SFXN5: variants seen among roughly 807,000 people sequenced by gnomAD.
The protein encoded by SFXN5 is sideroflexin-5.
SFXN5 carries 43 observed loss-of-function variants against 50.2 expected under a neutral mutation model. The ratio of observed to expected loss-of-function variants is 0.86; its 90% CI spans 0.67 to 1.11. The LOEUF (loss-of-function observed/expected upper bound fraction) is 1.11. SFXN5 is among the 50% of genes least tolerant of loss of function. The pLI is 0.00. For missense variants in SFXN5, 463 were observed against 454.1 expected (o/e 1.02, Z -0.18); for synonymous variants, 203 against 185.8 (o/e 1.09, Z -0.75).
intron 10 of SFXN5, among the ~76,000 whole-genome samples, chr2:72,982,997 G>T (rs534768716): frequency 6.6e-6 from 1 of 152,326 alleles, no homozygotes; most frequent in South Asian, 2.1e-4. Context: ...ATGTCACAGG[G>T]CCCAGGACAA....
intron 2 of SFXN5, among the ~76,000 whole-genome samples, chr2:73,057,329 A>G (rs57937746): frequency 0.34 from 51,695 of 151,876 alleles, 11,030 homozygotes; most frequent in African/African-American, 0.59. Flanking sequence ...TGTAGAGACA[A>G]GTCTCACTGT....
chr2:73,023,378 G>A (rs1313275317), intron 3 of SFXN5, among the ~76,000 whole-genome samples, 164 bp from the exon 4 acceptor site: 1 of 151,486 alleles, frequency 6.6e-6, no homozygotes, highest in East Asian at 1.9e-4. Flanking sequence ...GTCCTATCCT[G>A]GGGGGGGTGA....
Position 72,950,362 on chromosome 2 carries a change from C to G in SFXN5, c.946-5263G>C, listed in dbSNP as rs1478064161. Among the ~76,000 whole-genome samples the G allele has an allele frequency of 6.6e-6, 1 of 152,180 alleles. No homozygotes were observed. The highest frequency in any genetic ancestry group is 1.5e-5 in the Non-Finnish European group (1 of 68,014). On this transcript the variant is annotated intron_variant, in intron 13 of 13. Coordinates refer to ENST00000272433, the MANE Select transcript of SFXN5 (RefSeq NM_144579.3). This position sits in a 1 kb window ranked among gnomAD's most constrained non-coding sequence, Gnocchi z 4.2. ...CCTGGGGTCCACATTGTCCGACCCC[C>G]ACCTCATGCTGATCCTGGTTCATAG...
At chr2:73,043,359 G>A (rs1297376105) in intron 2 of SFXN5, among the ~76,000 whole-genome samples, 1 of 152,242 alleles carries the variant, frequency 6.6e-6, no homozygotes, top group Non-Finnish European at 1.5e-5. Context: ...CTGGCTGCCA[G>A]AGTGGGAAAT....
rs374435570 is a variant in SFXN5, at chr2:73,009,397, G to A, written c.358-7819C>T. 3.0e-4 allele frequency among the ~76,000 whole-genome samples: 46 copies of A among 152,342 alleles called. No individual in the cohort carries two copies. In the East Asian group the frequency reaches 8.3e-3, roughly 28 times the overall value. ...GTGGGGAGGAGTGGTGACGGACCAT[G>A]TTGCTTGTCCATGTGAAAGTGCCAA... is the stretch of plus-strand genomic sequence containing the variant. On this transcript the variant is annotated intron_variant, in intron 6 of 13. Transcript: ENST00000272433.
At position 72,971,294 on chromosome 2, in the gene SFXN5, C is replaced by T. The variant is rs575188012; in HGVS notation, c.741+276G>A. 1.0e-3 allele frequency among the ~76,000 whole-genome samples: 154 copies of T among 152,286 alleles called. 1 individual carries two copies. The highest frequency in any genetic ancestry group is 3.6e-3 in the African/African-American group (148 of 41,562). On this transcript the variant is annotated intron_variant, in intron 11 of 13. Coordinates refer to ENST00000272433, the MANE Select transcript of SFXN5 (RefSeq NM_144579.3). ...TCTCCTCTGCCCTCACCAATTAACA[C>T]CTCCTCTGGGTGAGACAAGCAAGAA...
intron 2 of SFXN5, among the ~76,000 whole-genome samples, chr2:73,048,752 T>C (rs144793747): frequency 3.1e-4 from 47 of 152,366 alleles, no homozygotes; most frequent in African/African-American, 1.0e-3. Flanking sequence ...TAAGTAACAT[T>C]GCAATTAATA....
intron 13 of SFXN5, among the ~76,000 whole-genome samples, chr2:72,955,358 C>T (rs1301899432): frequency 2.6e-5 from 4 of 152,230 alleles, no homozygotes; most frequent in Admixed American, 2.6e-4. Context: ...TGCCGCCTGC[C>T]AACAAGATGA....
At chr2:73,067,924 T>C (rs956899224) in intron 1 of SFXN5, among the ~76,000 whole-genome samples, 3 of 152,214 alleles carry the variant, frequency 2.0e-5, no homozygotes, top group South Asian at 2.1e-4. Context: ...TTGGAGATCA[T>C]TGCACCTGCT....
At chr2:72,968,356 C>T in intron 12 of SFXN5, 92 bp downstream of exon 12, 1 of 1,203,018 alleles carries the variant, frequency 8.3e-7, no homozygotes, top group Admixed American at 2.1e-5. Context: ...CTTCCTGCCA[C>T]CCCCTCATCT....
chr2:73,006,851 T>C (rs1482519443), intron 6 of SFXN5, among the ~76,000 whole-genome samples: 1 of 152,100 alleles, frequency 6.6e-6, no homozygotes, highest in Non-Finnish European at 1.5e-5. Flanking sequence ...ACCCACCCAA[T>C]CCAGGGGCCA....
chr2:72,963,700 G>A (rs1270329721), intron 12 of SFXN5, among the ~76,000 whole-genome samples: 1 of 152,186 alleles, frequency 6.6e-6, no homozygotes, highest in South Asian at 2.1e-4. Flanking sequence ...CCTGGGCCCG[G>A]AGCCAACTCA....
At chr2:73,059,387 C>G in intron 1 of SFXN5, 1 of 985,414 alleles carries the variant, frequency 1.0e-6, no homozygotes, top group Middle Eastern at 5.2e-4. Flanking sequence ...CACTACACTC[C>G]GGGCTCTGCC....
rs1678986552 is a variant in SFXN5, at chr2:73,036,392, A to G, written c.249+4462T>C. Reference sequence around the variant, plus strand: ...GGAGGATCTGCCTCTAGGGGGCCATAGTGGCAGGCTCACACCTAGAGCACT... The same window carrying G: ...GGAGGATCTGCCTCTAGGGGGCCATGGTGGCAGGCTCACACCTAGAGCACT... On this transcript the variant is annotated intron_variant, in intron 3 of 13. Transcript: ENST00000272433. Among the ~76,000 whole-genome samples the G allele has an allele frequency of 2.0e-5, 3 of 152,114 alleles. No homozygotes were observed. In the South Asian group the frequency reaches 6.2e-4, roughly 31 times the overall value.
chr2:73,001,583 G>A lies in SFXN5; in HGVS notation c.358-5C>T, dbSNP rs767647082. On this transcript the variant is annotated splice_region_variant and splice_polypyrimidine_tract_variant and intron_variant, in intron 6 of 13. Transcript: ENST00000272433. ...GGGCAAGAGAAGACCGACTACCTAT[G>A]AGCAAGAGAGAAGAAATGCTGAAAA... The A allele has an allele frequency of 2.5e-6, 4 of 1,614,040 alleles. No homozygotes were observed. Among genetic ancestry groups the A allele is most frequent in the South Asian group, 2.2e-5 (2 of 91,068 alleles).
intron 13 of SFXN5, chr2:72,957,139 TCCCCCC>T: frequency 2.2e-6 from 1 of 449,724 alleles, no homozygotes; most frequent in Non-Finnish European, 4.5e-6. Context: ...CAGCTTCAAC[TCCCCCC>T]CATACACTGA....
At chr2:73,034,794 T>C (rs1678754249) in intron 3 of SFXN5, among the ~76,000 whole-genome samples, 1 of 152,192 alleles carries the variant, frequency 6.6e-6, no homozygotes, top group African/African-American at 2.4e-5. Flanking sequence ...ACAATACCAC[T>C]GTCGTGCTAC....
intron 13 of SFXN5, among the ~76,000 whole-genome samples, chr2:72,948,553 A>G (rs1672191485): frequency 6.6e-6 from 1 of 152,222 alleles, no homozygotes; most frequent in African/African-American, 2.4e-5. Context: ...TGAGGCCCAC[A>G]TTAAAATCAG....
intron 2 of SFXN5, among the ~76,000 whole-genome samples, chr2:73,055,592 CTTTTTCTTTTTTTTTTTT>C (rs1219971484): frequency 6.8e-5 from 10 of 147,722 alleles, no homozygotes; most frequent in Admixed American, 1.4e-4. Context: ...TCTTTTTTTT[CTTTTTCTTTTTTTTTTTT>C]TTTTTGAGAC....
Sources: gnomAD v4.1 joint callset for allele counts (sites outside exome capture counted in the v4.1 genomes callset) on GRCh38, gnomAD v4.1.1 for gene constraint, Gnocchi (gnomAD v3.1) non-coding constraint, MANE v1.5 for transcripts, NCBI Gene and HGNC (gene_info 2026-07-23, HGNC 2026-07-21) for gene names.